The following CSMD3 variants were observed in gnomAD, a reference collection of about 807,000 sequenced individuals.
The protein encoded by CSMD3 is CUB and sushi domain-containing protein 3.
In CSMD3, 177 loss-of-function variants were observed where a neutral mutation model predicts 435.2. The observed-to-expected ratio is 0.41, with a 90% CI of 0.36 to 0.46. CSMD3 has a LOEUF of 0.46. Ranked by LOEUF, CSMD3 falls within the 20% of genes least tolerant of loss-of-function variation. The pLI is 0.34. For synonymous variants in CSMD3, 1,656 were observed against 1,520.5 expected, an observed-to-expected ratio of 1.09 and a Z score of -2.07; for missense variants, 4,265 against 4,504.6, an observed-to-expected ratio of 0.95 and a Z score of 1.52.
At chr8:112,585,473 TG>T (rs1830655420) in intron 23 of CSMD3, among the ~76,000 whole-genome samples, 1 of 151,434 alleles carries the variant, frequency 6.6e-6, no homozygotes, top group Non-Finnish European at 1.5e-5. Context: ...CACTTATGAC[TG>T]AAGCTCCACC....
chr8:112,257,979 C>T, intron 61 of CSMD3, among the ~76,000 whole-genome samples: 1 of 152,116 alleles, frequency 6.6e-6, no homozygotes, highest in African/African-American at 2.4e-5. Context: ...TAACACCACA[C>T]ATCTACAACC....
intron 3 of CSMD3, among the ~76,000 whole-genome samples, chr8:113,195,814 T>TATATATATACAC (rs1344054794): frequency 1.4e-4 from 19 of 133,444 alleles, no homozygotes; most frequent in African/African-American, 5.5e-4. Flanking sequence ...TATATATATA[T>TATATATATACAC]ACACACACAC....
intron 10 of CSMD3, among the ~76,000 whole-genome samples, chr8:112,901,107 T>A (rs999431880): frequency 6.6e-6 from 1 of 151,210 alleles, no homozygotes; most frequent in Admixed American, 6.6e-5. Flanking sequence ...ATATAAGAAA[T>A]ATATTTCATA....
At chr8:112,726,610 A>T (rs528828706) in intron 13 of CSMD3, among the ~76,000 whole-genome samples, 7 of 151,948 alleles carry the variant, frequency 4.6e-5, no homozygotes, top group Middle Eastern at 6.8e-3. Context: ...GTTAAATTAC[A>T]TATGGAGCTT....
At chr8:112,724,003 A>G (rs1349423953) in intron 13 of CSMD3, among the ~76,000 whole-genome samples, 1 of 152,124 alleles carries the variant, frequency 6.6e-6, no homozygotes, top group African/African-American at 2.4e-5. Flanking sequence ...TCCTTTTGGA[A>G]TTCATATTTC....
chr8:112,763,220 AT>A (rs2077888036), intron 13 of CSMD3, among the ~76,000 whole-genome samples: 1 of 151,712 alleles, frequency 6.6e-6, no homozygotes, highest in Admixed American at 6.6e-5. Context: ...AAAATTACTT[AT>A]TAAAATGATA....
At chr8:112,744,920 G>A (rs1030296) in intron 13 of CSMD3, among the ~76,000 whole-genome samples, 68,039 of 151,908 alleles carry the variant, frequency 0.45, 16,328 homozygotes, top group Non-Finnish European at 0.52. Flanking sequence ...TGAGCACACT[G>A]TAAACCTATT....
At chr8:113,389,936 A>G (rs1230141333) in intron 1 of CSMD3, among the ~76,000 whole-genome samples, 1 of 151,744 alleles carries the variant, frequency 6.6e-6, no homozygotes, top group Non-Finnish European at 1.5e-5. Context: ...CTGACTCAGT[A>G]TTTAATAACT....
intron 1 of CSMD3, among the ~76,000 whole-genome samples, chr8:113,379,254 T>C (rs148395080): frequency 1.3e-5 from 2 of 152,236 alleles, no homozygotes; most frequent in African/African-American, 4.8e-5. Context: ...AAAACTTGCA[T>C]ATTAACTCTT....
At chr8:112,995,650 G>C (rs1012638738) in intron 6 of CSMD3, among the ~76,000 whole-genome samples, 116 of 151,308 alleles carry the variant, frequency 7.7e-4, no homozygotes, top group Non-Finnish European at 2.1e-4. Flanking sequence ...AAATATTTTA[G>C]ATATTTATTT....
At chr8:112,693,261 T>C (rs1271420595) in intron 13 of CSMD3, among the ~76,000 whole-genome samples, 1 of 152,022 alleles carries the variant, frequency 6.6e-6, no homozygotes, top group African/African-American at 2.4e-5. Context: ...AAACAGGAAG[T>C]AGTTGTGTTA....
At chr8:113,256,430 A>G (rs1006193242) in intron 3 of CSMD3, among the ~76,000 whole-genome samples, 11 of 152,208 alleles carry the variant, frequency 7.2e-5, no homozygotes, top group African/African-American at 2.7e-4. Flanking sequence ...CTGCCAAATT[A>G]ACTAAAGGAA....
At chr8:113,128,431 A>G (rs564123188) in intron 4 of CSMD3, among the ~76,000 whole-genome samples, 1 of 152,102 alleles carries the variant, frequency 6.6e-6, no homozygotes, top group South Asian at 2.1e-4. Flanking sequence ...CAGATTGTAT[A>G]CTGAAAAAAT....
chr8:112,480,732 A>C (rs1005381046), intron 31 of CSMD3, among the ~76,000 whole-genome samples: 1 of 152,118 alleles, frequency 6.6e-6, no homozygotes, highest in African/African-American at 2.4e-5. Context: ...ATGGCAGACC[A>C]CATTTCCTGT....
At chr8:113,170,097 ACT>A (rs1182911615) in intron 4 of CSMD3, among the ~76,000 whole-genome samples, 5 of 152,084 alleles carry the variant, frequency 3.3e-5, no homozygotes, top group Non-Finnish European at 7.4e-5. Context: ...TCAAGGAGAG[ACT>A]CTACGTAAAC....
intron 6 of CSMD3, among the ~76,000 whole-genome samples, chr8:113,014,522 A>AT: frequency 6.6e-6 from 1 of 152,060 alleles, no homozygotes; most frequent in Non-Finnish European, 1.5e-5. Flanking sequence ...TTAAAAAGGG[A>AT]TGACTGGTTG....
intron 14 of CSMD3, among the ~76,000 whole-genome samples, chr8:112,686,823 A>G (rs1160045623): frequency 6.6e-6 from 1 of 151,932 alleles, no homozygotes; most frequent in Non-Finnish European, 1.5e-5. Context: ...AATTCCCTAC[A>G]TTTTGTACTA....
chr8:112,865,401 T>C lies in CSMD3; in HGVS notation c.1634-6135A>G, dbSNP rs541538654. Among the ~76,000 whole-genome samples, 6 of 152,292 alleles carry C rather than the reference T, an allele frequency of 3.9e-5. No homozygotes were observed. The East Asian group carries it at 1.2e-3, about 29-fold the overall frequency. Reference sequence around the variant, plus strand: ...CTGAAGTACCTTTTTCACTCTCTCCTGGAATTTTCCTTCTTGAATTTTTCC... The same window carrying C: ...CTGAAGTACCTTTTTCACTCTCTCCCGGAATTTTCCTTCTTGAATTTTTCC... On this transcript the variant is annotated intron_variant, in intron 10 of 70. Transcript: ENST00000297405.
rs1261025420 is a variant in CSMD3 at position 112,909,307 on chromosome 8, T to A, written c.1633+12320A>T. The stretch of plus-strand genomic sequence containing the variant: ...TCATCCAAGATGTCTCCTTTTTCCT[T>A]GCCCCAAACTAAAAAAATATGTACT... On this transcript the variant is annotated intron_variant, in intron 10 of 70. Coordinates refer to ENST00000297405, the MANE Select transcript of CSMD3 (RefSeq NM_198123.2). 2.0e-5 allele frequency among the ~76,000 whole-genome samples: 3 copies of A among 151,600 alleles called. No homozygotes were observed. In the Admixed American group the frequency reaches 2.0e-4, roughly 10 times the overall value.
Sources: gnomAD v4.1 joint callset for allele counts (sites outside exome capture counted in the v4.1 genomes callset) on GRCh38, gnomAD v4.1.1 for gene constraint, MANE v1.5 for transcripts, NCBI Gene and HGNC (gene_info 2026-07-23, HGNC 2026-07-21) for gene names.